Variants in CDIN1 observed in about 807,000 individuals in gnomAD.
The protein encoded by CDIN1 is CDAN1-interacting nuclease 1.
CDIN1 carries 33 observed loss-of-function variants against 45.3 expected under a neutral mutation model. The ratio of observed to expected loss-of-function variants is 0.73; its 90% CI spans 0.55 to 0.97. CDIN1 has a LOEUF of 0.97. Among genes scored for constraint, CDIN1 ranks in the 50% least tolerant of loss-of-function variants. The pLI is 0.00. For synonymous variants in CDIN1, 118 were observed against 124.4 expected (o/e 0.95, Z 0.34); for missense variants, 303 against 339.4 (o/e 0.89, Z 0.84).
At chr15:36,747,714 A>T (rs1260797739) in intron 10 of CDIN1, among the ~76,000 whole-genome samples, 1 of 152,210 alleles carries the variant, frequency 6.6e-6, no homozygotes, top group Non-Finnish European at 1.5e-5. Context: ...GAATTGTTTG[A>T]ATTTCACAAG....
chr15:36,675,313 C>T (rs2140567476), intron 5 of CDIN1, among the ~76,000 whole-genome samples: 1 of 152,232 alleles, frequency 6.6e-6, no homozygotes, highest in South Asian at 2.1e-4. Flanking sequence ...TTCCTCATCC[C>T]TGTCTTCAAC....
chr15:36,767,295 T>G (rs1239596568), intron 10 of CDIN1, among the ~76,000 whole-genome samples: 2 of 152,170 alleles, frequency 1.3e-5, no homozygotes, highest in Admixed American at 1.3e-4. Flanking sequence ...TGTTCTCTGT[T>G]CCCTATGTAA....
rs1019974673 is a variant in CDIN1, at chr15:36,810,137, C to G, written c.*1684C>G. ...TTCTTTAGGAATAAATTACATTTAT[C>G]TGCACAGATGTTGAAAATCCTGTTA... On this transcript the variant is annotated 3_prime_UTR_variant, in exon 11 of 11. Coordinates refer to ENST00000566621, the MANE Select transcript of CDIN1 (RefSeq NM_001321759.2). The G allele has an allele frequency of 2.0e-5, 3 of 152,108 alleles. No homozygotes were observed. The highest frequency in any genetic ancestry group is 7.2e-5 in the African/African-American group (3 of 41,392). The allele number at this position is 152,108 out of a possible 1,614,324, so 9.4% of individuals were successfully genotyped here. A position where few individuals can be genotyped will look rare whatever the true frequency, so the allele number is the denominator to read the frequency against.
chr15:36,655,763 C>G (rs1421963103), intron 4 of CDIN1, among the ~76,000 whole-genome samples: 1 of 152,188 alleles, frequency 6.6e-6, no homozygotes, highest in African/African-American at 2.4e-5. Flanking sequence ...GCATTCCAGA[C>G]ACAGCATCTA....
At chr15:36,651,688 C>T (rs2040583349) in intron 3 of CDIN1, among the ~76,000 whole-genome samples, 1 of 152,098 alleles carries the variant, frequency 6.6e-6, no homozygotes, top group South Asian at 2.1e-4. Context: ...GGTTCTATTT[C>T]AGGGTTCTAT....
chr15:36,619,697 T>G (rs2039074913), intron 1 of CDIN1, among the ~76,000 whole-genome samples: 2 of 152,150 alleles, frequency 1.3e-5, no homozygotes, highest in African/African-American at 4.8e-5. Context: ...GAAATATTTT[T>G]TGAAGAAGCA....
chr15:36,720,017 A>G (rs1441160358), intron 10 of CDIN1, among the ~76,000 whole-genome samples: 1 of 151,714 alleles, frequency 6.6e-6, no homozygotes, highest in African/African-American at 2.4e-5. Flanking sequence ...CAATCTGCCT[A>G]GAGGTTTATC....
At chr15:36,593,250 C>T (rs934452218) in intron 1 of CDIN1, among the ~76,000 whole-genome samples, 2 of 152,132 alleles carry the variant, frequency 1.3e-5, no homozygotes, top group African/African-American at 4.8e-5. Flanking sequence ...CCACCCCTTT[C>T]CAAGTATTTT....
chr15:36,751,227 T>TATATATATATA (rs1491560687), intron 10 of CDIN1, among the ~76,000 whole-genome samples: 2 of 34,396 alleles, frequency 5.8e-5, no homozygotes, highest in Non-Finnish European at 9.7e-5. Context: ...TATATGCTTA[T>TATATATATATA]TTTATATATA....
chr15:36,588,370 G>A (rs1004322210), intron 1 of CDIN1, among the ~76,000 whole-genome samples: 2 of 152,152 alleles, frequency 1.3e-5, no homozygotes, highest in African/African-American at 4.8e-5. Context: ...CAATTGAAAT[G>A]AAAGTTGATT....
intron 10 of CDIN1, among the ~76,000 whole-genome samples, chr15:36,762,634 C>A (rs544160610): frequency 6.9e-4 from 104 of 150,906 alleles, no homozygotes; most frequent in African/African-American, 2.5e-3. Flanking sequence ...CTAATGCTAT[C>A]CCTCCCCACT....
chr15:36,732,137 C>A (rs1039182039), intron 10 of CDIN1, among the ~76,000 whole-genome samples: 1 of 152,110 alleles, frequency 6.6e-6, no homozygotes, highest in Non-Finnish European at 1.5e-5. Flanking sequence ...ACTTCCTTTG[C>A]CCCTCTATAG....
chr15:36,740,185 TATTTG>T (rs1327359305), intron 10 of CDIN1, among the ~76,000 whole-genome samples: 6 of 152,238 alleles, frequency 3.9e-5, no homozygotes, highest in Admixed American at 2.0e-4. Flanking sequence ...TTCTTAAACT[TATTTG>T]ATGAAGGACC....
intron 10 of CDIN1, among the ~76,000 whole-genome samples, chr15:36,755,102 A>G (rs1387742103): frequency 6.6e-6 from 1 of 152,194 alleles, no homozygotes; most frequent in Non-Finnish European, 1.5e-5. Context: ...CAGTGTTCAC[A>G]TTTGCATGAT....
chr15:36,689,198 A>G (rs71468821), intron 5 of CDIN1, among the ~76,000 whole-genome samples: 1 of 152,214 alleles, frequency 6.6e-6, no homozygotes, highest in African/African-American at 2.4e-5. Flanking sequence ...TATTGTGAGG[A>G]AAATTATGTC....
chr15:36,800,909 G>GTGTGTATA (rs1156514805), intron 10 of CDIN1, among the ~76,000 whole-genome samples: 55 of 22,374 alleles, frequency 2.5e-3, no homozygotes, highest in East Asian at 2.4e-3. Flanking sequence ...GTGTGTGTGT[G>GTGTGTATA]TATATATATA....
rs541262763 is a variant in CDIN1 at position 36,637,483 on chromosome 15, A to G, written c.102-6795A>G. On this transcript the variant is annotated intron_variant, in intron 1 of 10. Coordinates refer to ENST00000566621, the MANE Select transcript of CDIN1 (RefSeq NM_001321759.2). ...TGGATTGAGAGAAAGTGTGATGAGGATGTACAGCAATGGGAACTCTTCTGT... is the reference window on the plus strand; with the variant it reads ...TGGATTGAGAGAAAGTGTGATGAGGGTGTACAGCAATGGGAACTCTTCTGT... Among the ~76,000 whole-genome samples, 3 of 152,334 alleles carry G rather than the reference A, an allele frequency of 2.0e-5. No homozygotes were observed. The South Asian group carries it at 6.2e-4, about 32-fold the overall frequency.
At chr15:36,695,653 C>T (rs920917755) in intron 7 of CDIN1, among the ~76,000 whole-genome samples, 1 of 152,064 alleles carries the variant, frequency 6.6e-6, no homozygotes, top group Non-Finnish European at 1.5e-5. Context: ...TTGAGACCAG[C>T]GTGGCCTACA....
At chr15:36,653,140 A>G (rs888413532) in intron 3 of CDIN1, among the ~76,000 whole-genome samples, 2 of 152,198 alleles carry the variant, frequency 1.3e-5, no homozygotes, top group African/African-American at 4.8e-5. Flanking sequence ...TGAGGTAGCC[A>G]AGTAATAGGC....
Sources: allele counts gnomAD v4.1 joint callset (sites outside exome capture counted in the v4.1 genomes callset), GRCh38; gene constraint gnomAD v4.1.1; transcripts MANE v1.5; gene names NCBI Gene and HGNC (gene_info 2026-07-23, HGNC 2026-07-21).